The following LIN28A variants were observed in gnomAD, a reference collection of about 807,000 sequenced individuals.
LIN28A encodes the protein protein lin-28 homolog A.
A neutral mutation model predicts 21.1 loss-of-function variants in LIN28A; 11 were observed. The observed-to-expected ratio is 0.52, with a 90% CI of 0.33 to 0.86. The LOEUF (loss-of-function observed/expected upper bound fraction) is 0.86. Among genes scored for constraint, LIN28A ranks in the 40% least tolerant of loss-of-function variants. The probability of loss-of-function intolerance (pLI) is 0.03; values close to 1 mark genes in which losing one functional copy is unlikely to be tolerated. For synonymous variants in LIN28A, 111 were observed against 108.7 expected (o/e 1.02, Z -0.13); for missense variants, 219 against 279.8 (o/e 0.78, Z 1.55).
Position 26,411,357 on chromosome 1 carries a change from G to A in LIN28A, c.32-29G>A, listed in dbSNP as rs767618143. Reference sequence around the variant, plus strand: ...CGGCCCTCCGATTCCGTGCCCCCCAGCTAAGTGCCCGGCCCTCCCTCTCTC... The same window carrying A: ...CGGCCCTCCGATTCCGTGCCCCCCAACTAAGTGCCCGGCCCTCCCTCTCTC... On this transcript the variant is annotated intron_variant, in intron 1 of 3. Coordinates refer to ENST00000326279, the MANE Select transcript of LIN28A (RefSeq NM_024674.6). This position sits in a 1 kb window ranked among gnomAD's most constrained non-coding sequence, Gnocchi z 5.4. 4 of 1,529,548 alleles carry A rather than the reference G, an allele frequency of 2.6e-6. No homozygotes were observed. In the East Asian group the frequency reaches 7.3e-5, roughly 28 times the overall value. 94.7% of individuals were successfully genotyped at this position (1,529,548 alleles called of 1,614,324 possible).
chr1:26,410,900 C>T lies in LIN28A; in HGVS notation c.9C>T (p.Ser3=), dbSNP rs139719631. The T allele has an allele frequency of 3.2e-5, 52 of 1,608,496 alleles. No individual in the cohort carries two copies. The African/African-American group carries it at 5.4e-4, about 17-fold the overall frequency. MG[S]VSNQQFAGGC... The stretch of plus-strand genomic sequence containing the variant: ...GGGCTCAGCCGACGACCATGGGCTC[C>T]GTGTCCAACCAGCAGTTTGCAGGTT... Residue 3 remains serine (S), a synonymous_variant, in exon 1 of 4, where the codon TCC becomes TCT. Transcript: ENST00000326279.
At position 26,425,410 on chromosome 1, in the gene LIN28A, T is replaced by C; in HGVS notation, c.336T>C (p.Pro112=). The change falls in exon 3 of 4, where the codon CCT becomes CCC. Residue 112 remains proline, a synonymous_variant. Coordinates refer to ENST00000326279, the MANE Select transcript of LIN28A (RefSeq NM_024674.6). ...KGLESIRVTG[P]GGVFCIGSER... is the part of the protein sequence containing the mutation. ...TGGAATCCATCCGTGTCACCGGACC[T>C]GGTGGAGTATTCTGTATTGGGAGTG... 1 of 1,614,162 alleles carries C rather than the reference T, an allele frequency of 6.2e-7. No homozygotes were observed. The highest frequency in any genetic ancestry group is 1.7e-5 in the Admixed American group (1 of 60,028).
intron 2 of LIN28A, among the ~76,000 whole-genome samples, chr1:26,412,250 C>G (rs1297266576): frequency 6.6e-6 from 1 of 152,108 alleles, no homozygotes; most frequent in Admixed American, 6.6e-5. Context: ...GGAGGGAAGT[C>G]GGTAGGTCGC....
At chr1:26,418,033 T>C (rs1235468786) in intron 2 of LIN28A, among the ~76,000 whole-genome samples, 3 of 152,010 alleles carry the variant, frequency 2.0e-5, no homozygotes, top group Non-Finnish European at 4.4e-5. Flanking sequence ...TACTTTTTTC[T>C]TTTATAATGT....
rs775699924 is a variant in LIN28A, at chr1:26,418,541, T to TA, written c.229-6762_229-6761insA. 6.8e-3 allele frequency among the ~76,000 whole-genome samples: 641 copies of TA among 94,466 alleles called. 3 individuals are homozygous for TA. The highest frequency in any genetic ancestry group is 0.01 in the African/African-American group (227 of 22,006). 62.0% of individuals were successfully genotyped at this position (94,466 alleles called of 152,430 possible). A position where few individuals can be genotyped will look rare whatever the true frequency, so the allele number is the denominator to read the frequency against. On this transcript the variant is annotated intron_variant, in intron 2 of 3. Transcript: ENST00000326279. ...GGCCTGGGCAACAGAGCCAGACTTT[T>TA]TAAAAAAAAAAAAAAGAAAAAGAAA...
chr1:26,418,040 A>G (rs1024110603), intron 2 of LIN28A, among the ~76,000 whole-genome samples: 14 of 151,176 alleles, frequency 9.3e-5, no homozygotes, highest in African/African-American at 2.9e-4. Flanking sequence ...TTCTTTTATA[A>G]TGTTTTCTTT....
intron 2 of LIN28A, among the ~76,000 whole-genome samples, chr1:26,416,507 TC>T (rs1300732014): frequency 6.6e-6 from 1 of 152,192 alleles, no homozygotes; most frequent in Non-Finnish European, 1.5e-5. Flanking sequence ...CCTCCTGTCT[TC>T]CTGCAGGCAT....
intron 2 of LIN28A, among the ~76,000 whole-genome samples, chr1:26,413,583 T>C (rs1374170704): frequency 6.6e-6 from 1 of 152,076 alleles, no homozygotes; most frequent in Non-Finnish European, 1.5e-5. Flanking sequence ...AAGTTGTCAA[T>C]AGGGAGCTGA....
Position 26,426,216 on chromosome 1 carries a change from A to G in LIN28A, c.414-26A>G, listed in dbSNP as rs535900353. On this transcript the variant is annotated intron_variant, in intron 3 of 3. Coordinates refer to ENST00000326279, the MANE Select transcript of LIN28A (RefSeq NM_024674.6). The stretch of plus-strand genomic sequence containing the variant: ...TGGCCTCTTCTTGCTCCTTTCTCTT[A>G]CTTTTACGATCTTGCTTTGTACTAG... 9 of 1,596,640 alleles carry G rather than the reference A, an allele frequency of 5.6e-6. No individual in the cohort carries two copies. In the South Asian group the frequency reaches 8.8e-5, roughly 16 times the overall value.
In LIN28A at chr1:26,411,097, G is replaced by A. The variant is rs577095390; in HGVS notation, c.31+175G>A. The stretch of plus-strand genomic sequence containing the variant: ...GAACCTTGGTGTCCCAGTGGCGTGC[G>A]CGCCAGACTACGTGGGTGGATGGAG... On this transcript the variant is annotated intron_variant, in intron 1 of 3. Coordinates refer to ENST00000326279, the MANE Select transcript of LIN28A (RefSeq NM_024674.6). This position sits in a 1 kb window ranked among gnomAD's most constrained non-coding sequence, Gnocchi z 5.4. Among the ~76,000 whole-genome samples, 37 of 152,318 alleles carry A rather than the reference G, an allele frequency of 2.4e-4. No homozygotes were observed. Among genetic ancestry groups the A allele is most frequent in the Middle Eastern group, 6.8e-3 (2 of 294 alleles).
chr1:26,412,502 G>A (rs2074966856), intron 2 of LIN28A, among the ~76,000 whole-genome samples: 1 of 152,124 alleles, frequency 6.6e-6, no homozygotes, highest in Non-Finnish European at 1.5e-5. Context: ...GTGGTCCTGG[G>A]CCACCAGCTA....
In LIN28A at chr1:26,411,049, C is replaced by A; in HGVS notation, c.31+127C>A. The A allele has an allele frequency of 8.1e-7, 1 of 1,230,494 alleles. No homozygotes were observed. Among genetic ancestry groups the A allele is most frequent in the South Asian group, 1.6e-5 (1 of 64,072 alleles). 76.2% of individuals were successfully genotyped at this position (1,230,494 alleles called of 1,614,324 possible). Reference sequence around the variant, plus strand: ...CCCAAGACGGTGCGGCCTTCTGCTTCATAGGGCCGTCTCTGGGGCCAGGAA... The same window carrying A: ...CCCAAGACGGTGCGGCCTTCTGCTTAATAGGGCCGTCTCTGGGGCCAGGAA... On this transcript the variant is annotated intron_variant, in intron 1 of 3. Transcript: ENST00000326279. The surrounding 1 kb of genome is among the most constrained non-coding windows in gnomAD (Gnocchi z 5.4).
intron 2 of LIN28A, among the ~76,000 whole-genome samples, chr1:26,416,931 T>C (rs1397337903): frequency 2.0e-5 from 3 of 152,136 alleles, no homozygotes; most frequent in Non-Finnish European, 4.4e-5. Context: ...AGCGTGGTGT[T>C]ATTTAATTTA....
rs989388006 is a variant in LIN28A at position 26,427,806 on chromosome 1, A to T, written c.*1348A>T. On this transcript the variant is annotated 3_prime_UTR_variant, in exon 4 of 4. Coordinates refer to ENST00000326279, the MANE Select transcript of LIN28A (RefSeq NM_024674.6). ...TAAGGTGAGATCCTTAACCTTTCAA[A>T]ATTTTCGGGTTCCAGGGAGACACAC... The T allele has an allele frequency of 6.6e-6, 1 of 152,452 alleles. No individual in the cohort carries two copies. Among genetic ancestry groups the T allele is most frequent in the African/African-American group, 2.4e-5 (1 of 41,404 alleles). 9.4% of individuals were successfully genotyped at this position (152,452 alleles called of 1,614,324 possible). A position where few individuals can be genotyped will look rare whatever the true frequency, so the allele number is the denominator to read the frequency against.
Position 26,411,350 on chromosome 1 carries a change from C to G in LIN28A, c.32-36C>G. On this transcript the variant is annotated intron_variant, in intron 1 of 3. Transcript: ENST00000326279. This position sits in a 1 kb window ranked among gnomAD's most constrained non-coding sequence, Gnocchi z 5.4. Reference sequence around the variant, plus strand: ...CCCGAGACGGCCCTCCGATTCCGTGCCCCCCAGCTAAGTGCCCGGCCCTCC... The same window carrying G: ...CCCGAGACGGCCCTCCGATTCCGTGGCCCCCAGCTAAGTGCCCGGCCCTCC... 2 of 1,502,322 alleles carry G rather than the reference C, an allele frequency of 1.3e-6. No individual in the cohort carries two copies. The highest frequency in any genetic ancestry group is 1.8e-6 in the Non-Finnish European group (2 of 1,131,204). 93.1% of individuals were successfully genotyped at this position (1,502,322 alleles called of 1,614,324 possible).
At chr1:26,423,690 G>T (rs2075041538) in intron 2 of LIN28A, among the ~76,000 whole-genome samples, 1 of 151,970 alleles carries the variant, frequency 6.6e-6, no homozygotes, top group South Asian at 2.1e-4. Context: ...GGGATTACAG[G>T]CATGAGCCAT....
chr1:26,421,601 T>A (rs2075029042), intron 2 of LIN28A, among the ~76,000 whole-genome samples: 5 of 152,214 alleles, frequency 3.3e-5, no homozygotes, highest in Admixed American at 2.6e-4. Flanking sequence ...GTATTTTGCA[T>A]ATGTATCATA....
chr1:26,426,139 T>C, intron 3 of LIN28A, 103 bp from the exon 4 acceptor site: 3 of 868,410 alleles, frequency 3.5e-6, no homozygotes, highest in Non-Finnish European at 5.6e-6. Context: ...GGAAGGGAAG[T>C]AAGTGACAAA....
chr1:26,419,424 C>T (rs2075016068), intron 2 of LIN28A, among the ~76,000 whole-genome samples: 2 of 152,176 alleles, frequency 1.3e-5, no homozygotes, highest in South Asian at 2.1e-4. Flanking sequence ...TTGCATGTCC[C>T]CATTTATATG....
Sources: gnomAD v4.1 joint callset for allele counts (sites outside exome capture counted in the v4.1 genomes callset) on GRCh38, gnomAD v4.1.1 for gene constraint, Gnocchi (gnomAD v3.1) non-coding constraint, MANE v1.5 for transcripts, NCBI Gene and HGNC (gene_info 2026-07-23, HGNC 2026-07-21) for gene names.